RNGTT: variants seen among roughly 807,000 people sequenced by gnomAD.
RNGTT encodes RNA guanylyltransferase and 5'-phosphatase.
In RNGTT, 33 loss-of-function variants were observed where a neutral mutation model predicts 79.3. The observed-to-expected ratio is 0.42, with a 90% CI of 0.32 to 0.56. The LOEUF is 0.56. Among genes scored for constraint, RNGTT ranks in the 20% least tolerant of loss-of-function variants. RNGTT has a pLI of 0.17. For missense variants in RNGTT, 497 were observed against 739.1 expected, an observed-to-expected ratio of 0.67 and a Z score of 3.80; for synonymous variants, 222 against 235.9, an observed-to-expected ratio of 0.94 and a Z score of 0.54.
chr6:88,674,002 G>T (rs1368218753), intron 14 of RNGTT, among the ~76,000 whole-genome samples: 1 of 152,182 alleles, frequency 6.6e-6, no homozygotes, highest in Non-Finnish European at 1.5e-5. Flanking sequence ...TCGGTGAATG[G>T]GATAGCGAGG....
intron 13 of RNGTT, among the ~76,000 whole-genome samples, chr6:88,733,239 T>C (rs1200454954): frequency 7.2e-5 from 11 of 152,112 alleles, no homozygotes; most frequent in African/African-American, 2.7e-4. Flanking sequence ...TGCATCCCTG[T>C]AGTCCCAGCT....
At chr6:88,954,670 A>G (rs115775859) in intron 1 of RNGTT, among the ~76,000 whole-genome samples, 3,062 of 151,878 alleles carry the variant, frequency 0.02, 103 homozygotes, top group African/African-American at 0.068. Flanking sequence ...ATTTAAGATA[A>G]TTGAAATTCT....
At chr6:88,705,229 T>TGACA (rs976512961) in intron 13 of RNGTT, among the ~76,000 whole-genome samples, 1 of 152,180 alleles carries the variant, frequency 6.6e-6, no homozygotes, top group Non-Finnish European at 1.5e-5. Flanking sequence ...GCATAGTGTG[T>TGACA]GACACATGGC....
chr6:88,933,419 C>T (rs554526144), intron 2 of RNGTT, among the ~76,000 whole-genome samples: 2 of 152,246 alleles, frequency 1.3e-5, no homozygotes, highest in African/African-American at 4.8e-5. Flanking sequence ...TCCTCCTGCC[C>T]ACACACCCTT....
chr6:88,886,034 G>A (rs540906341), intron 8 of RNGTT, among the ~76,000 whole-genome samples: 4 of 152,314 alleles, frequency 2.6e-5, no homozygotes, highest in East Asian at 1.9e-4. Context: ...GGCCGGGCGC[G>A]GTGGCTCACA....
intron 1 of RNGTT, among the ~76,000 whole-genome samples, chr6:88,944,958 C>T (rs2127960165): frequency 6.6e-6 from 1 of 152,340 alleles, no homozygotes; most frequent in Non-Finnish European, 1.5e-5. Flanking sequence ...GTAAACTGAA[C>T]TGTATTGCAT....
At position 88,641,194 on chromosome 6, in the gene RNGTT, C is replaced by T. The variant is rs140908225; in HGVS notation, c.1507-26799G>A. ...TCTCTACTAAAAATACAAAAATTAG[C>T]CAGGCACGGTGGCGGGCGCCTGTAA... On this transcript the variant is annotated intron_variant, in intron 14 of 15. Coordinates refer to ENST00000369485, the MANE Select transcript of RNGTT (RefSeq NM_003800.5). Among the ~76,000 whole-genome samples, 27 of 152,128 alleles carry T rather than the reference C, an allele frequency of 1.8e-4. 1 individual carries two copies. The highest frequency in any genetic ancestry group is 6.5e-4 in the African/African-American group (27 of 41,514).
chr6:88,731,088 C>T (rs996778217), intron 13 of RNGTT, among the ~76,000 whole-genome samples: 1 of 151,884 alleles, frequency 6.6e-6, no homozygotes, highest in Non-Finnish European at 1.5e-5. Flanking sequence ...AAATAGATTA[C>T]AAATGAAAGA....
chr6:88,700,196 C>T (rs1775899440), intron 13 of RNGTT, among the ~76,000 whole-genome samples: 1 of 152,118 alleles, frequency 6.6e-6, no homozygotes, highest in South Asian at 2.1e-4. Flanking sequence ...CAACTTCAAA[C>T]ACACTTCTCT....
intron 4 of RNGTT, among the ~76,000 whole-genome samples, chr6:88,910,975 T>C (rs1449810184): frequency 6.6e-6 from 1 of 152,206 alleles, no homozygotes; most frequent in Non-Finnish European, 1.5e-5. Context: ...TTACAAGAGA[T>C]GCTTATGGGA....
chr6:88,728,527 T>C (rs1223285895), intron 13 of RNGTT, among the ~76,000 whole-genome samples: 1 of 152,190 alleles, frequency 6.6e-6, no homozygotes, highest in African/African-American at 2.4e-5. Context: ...AAACCATACA[T>C]TCATTTTACT....
chr6:88,739,200 A>G (rs981232905), intron 13 of RNGTT, among the ~76,000 whole-genome samples: 1 of 152,110 alleles, frequency 6.6e-6, no homozygotes, highest in Non-Finnish European at 1.5e-5. Flanking sequence ...TACTATTCTT[A>G]TTATTAACAA....
At chr6:88,671,679 G>C (rs1265810487) in intron 14 of RNGTT, among the ~76,000 whole-genome samples, 1 of 152,132 alleles carries the variant, frequency 6.6e-6, no homozygotes, top group African/African-American at 2.4e-5. Context: ...AAATCTGGAG[G>C]CATCACATTA....
At chr6:88,781,479 C>T (rs57304664) in intron 12 of RNGTT, among the ~76,000 whole-genome samples, 20,902 of 150,880 alleles carry the variant, frequency 0.14, 1,615 homozygotes, top group Middle Eastern at 0.23. Flanking sequence ...CTTTAGAAAT[C>T]CTAGACAGTA....
At chr6:88,808,798 A>G (rs967133750) in intron 11 of RNGTT, among the ~76,000 whole-genome samples, 5 of 151,976 alleles carry the variant, frequency 3.3e-5, no homozygotes, top group Admixed American at 6.6e-5. Context: ...CAAAGTCAAA[A>G]CCATAGTCAA....
chr6:88,927,935 TGG>T (rs1784375791), intron 4 of RNGTT, among the ~76,000 whole-genome samples: 1 of 152,072 alleles, frequency 6.6e-6, no homozygotes, highest in Non-Finnish European at 1.5e-5. Flanking sequence ...CCAGGCACAG[TGG>T]CTCATGCCTG....
At chr6:88,831,346 T>C (rs1297863463) in intron 11 of RNGTT, among the ~76,000 whole-genome samples, 1 of 152,196 alleles carries the variant, frequency 6.6e-6, no homozygotes, top group Non-Finnish European at 1.5e-5. Context: ...AACCACATGA[T>C]TATCTCAATA....
At chr6:88,701,952 T>G (rs756622576) in intron 13 of RNGTT, among the ~76,000 whole-genome samples, 3 of 151,962 alleles carry the variant, frequency 2.0e-5, no homozygotes, top group Admixed American at 1.3e-4. Context: ...GAACAAAATC[T>G]CATTTACGAT....
intron 11 of RNGTT, among the ~76,000 whole-genome samples, chr6:88,807,281 G>A (rs1779990148): frequency 6.6e-6 from 1 of 152,184 alleles, no homozygotes; most frequent in African/African-American, 2.4e-5. Context: ...AAATAACATT[G>A]TAAATGATCT....
Sources: allele counts gnomAD v4.1 joint callset (sites outside exome capture counted in the v4.1 genomes callset), GRCh38; gene constraint gnomAD v4.1.1; transcripts MANE v1.5; gene names NCBI Gene and HGNC (gene_info 2026-07-23, HGNC 2026-07-21).